The following LEMD3 variants were observed in gnomAD, a reference collection of about 807,000 sequenced individuals.
LEMD3 encodes the protein LEM domain containing 3.
Under a neutral mutation model 95.2 loss-of-function variants are expected in LEMD3, and 33 were observed. The observed-to-expected ratio is 0.35, with a 90% CI of 0.26 to 0.46. The LOEUF is 0.46. Ranked by LOEUF, LEMD3 falls within the 20% of genes least tolerant of loss-of-function variation. The probability of loss-of-function intolerance (pLI) is 1.00; values close to 1 mark genes in which losing one functional copy is unlikely to be tolerated. For synonymous variants in LEMD3, 525 were observed against 474.6 expected (o/e 1.11, Z -1.38); for missense variants, 1,210 against 1,192.8 (o/e 1.01, Z -0.21).
chr12:65,231,291 G>C (rs1388139052), intron 4 of LEMD3, among the ~76,000 whole-genome samples: 2 of 152,094 alleles, frequency 1.3e-5, no homozygotes, highest in Non-Finnish European at 2.9e-5. Context: ...AACAGAGAGA[G>C]CTTTAAACAG....
intron 1 of LEMD3, among the ~76,000 whole-genome samples, chr12:65,208,803 C>T (rs927926897): frequency 7.2e-5 from 11 of 151,996 alleles, no homozygotes; most frequent in African/African-American, 2.4e-5. Context: ...AAAATTTTAA[C>T]GAAGTTTTGT....
chr12:65,223,567 A>G (rs1433668458), intron 4 of LEMD3, among the ~76,000 whole-genome samples: 1 of 151,788 alleles, frequency 6.6e-6, no homozygotes, highest in African/African-American at 2.4e-5. Flanking sequence ...TTTATTCATT[A>G]TTATCTGCAT....
chr12:65,189,157 T>C (rs1257290237), intron 1 of LEMD3, among the ~76,000 whole-genome samples: 1 of 152,134 alleles, frequency 6.6e-6, no homozygotes, highest in Non-Finnish European at 1.5e-5. Context: ...GCGAATATGG[T>C]CTCTCTCAAA....
intron 10 of LEMD3, 141 bp downstream of exon 10, chr12:65,243,610 C>G (rs1871001025): frequency 1.5e-6 from 1 of 677,334 alleles, no homozygotes; most frequent in African/African-American, 1.8e-5. Context: ...ATGTTTTTCT[C>G]TTTCATTAAA....
At chr12:65,211,981 G>C (rs1285260192) in intron 2 of LEMD3, among the ~76,000 whole-genome samples, 1 of 152,156 alleles carries the variant, frequency 6.6e-6, no homozygotes, top group Non-Finnish European at 1.5e-5. Context: ...GTATTAGTCT[G>C]TTCTCATGCT....
In LEMD3 at chr12:65,247,483, T is replaced by C. The variant is rs541374258; in HGVS notation, c.*1158T>C. On this transcript the variant is annotated 3_prime_UTR_variant, in exon 13 of 13. Coordinates refer to ENST00000308330, the MANE Select transcript of LEMD3 (RefSeq NM_014319.5). ...AGTTTGCAATATAGTAAATGCACGA[T>C]TGACTGTTGCTTTGTGCCTCAGTAT... is the stretch of plus-strand genomic sequence containing the variant. The C allele has an allele frequency of 7.2e-5, 11 of 152,454 alleles. No individual in the cohort carries two copies. The highest frequency in any genetic ancestry group is 2.4e-4 in the African/African-American group (10 of 41,578). The allele number at this position is 152,454 out of a possible 1,614,324, so 9.4% of individuals were successfully genotyped here.
intron 10 of LEMD3, chr12:65,245,288 G>T (rs1416130382): frequency 3.0e-5 from 6 of 197,866 alleles, no homozygotes; most frequent in African/African-American, 1.3e-4. Flanking sequence ...CTGCCACCAC[G>T]CCTGGCTAAT....
intron 4 of LEMD3, among the ~76,000 whole-genome samples, chr12:65,229,075 A>G (rs1870544711): frequency 1.3e-5 from 2 of 152,122 alleles, no homozygotes; most frequent in African/African-American, 4.8e-5. Flanking sequence ...AGGTAAAATA[A>G]GCCAAGTTCT....
intron 4 of LEMD3, among the ~76,000 whole-genome samples, chr12:65,220,872 G>C (rs1870264073): frequency 6.6e-6 from 1 of 152,064 alleles, no homozygotes; most frequent in South Asian, 2.1e-4. Flanking sequence ...AAGATTGTTG[G>C]ATCATACATC....
intron 1 of LEMD3, among the ~76,000 whole-genome samples, chr12:65,180,785 A>G (rs1281396936): frequency 6.6e-6 from 1 of 152,222 alleles, no homozygotes; most frequent in East Asian, 1.9e-4. Flanking sequence ...TAAAGTTTAA[A>G]AACAAGGCTT....
At chr12:65,203,569 C>A (rs1316657530) in intron 1 of LEMD3, among the ~76,000 whole-genome samples, 1 of 152,008 alleles carries the variant, frequency 6.6e-6, no homozygotes, top group East Asian at 1.9e-4. Flanking sequence ...TGTGGTCTGT[C>A]TTGGTGAACA....
At chr12:65,179,740 C>T (rs1868842569) in intron 1 of LEMD3, among the ~76,000 whole-genome samples, 1 of 152,082 alleles carries the variant, frequency 6.6e-6, no homozygotes, top group African/African-American at 2.4e-5. Context: ...CAAACCTGCA[C>T]ATCCTGCACA....
At position 65,240,003 on chromosome 12, in the gene LEMD3, A is replaced by T; in HGVS notation, c.1996A>T (p.Met666Leu). 6.2e-7 allele frequency: 1 copy of T among 1,609,564 alleles called. No homozygotes were observed. The highest frequency in any genetic ancestry group is 8.5e-7 in the Non-Finnish European group (1 of 1,175,918). Residue 666 changes from methionine (M) to leucine (L), a missense_variant, in exon 7 of 13, where the codon ATG (methionine) becomes TTG (leucine). Met to Leu is a conservative substitution (Grantham distance 15). This residue lies in a region of LEMD3 where 461 missense variants were observed against 569.8 expected (regional missense o/e 0.81). Coordinates refer to ENST00000308330, the MANE Select transcript of LEMD3 (RefSeq NM_014319.5). ...WTKEEEETRQ[M>L]YDMVVKIIDV... ...AAAAGAAGAGGAGGAAACAAGGCAG[A>T]TGTATGATATGGTGGTAAAGATTAT...
chr12:65,175,538 A>G (rs1868692494), intron 1 of LEMD3, among the ~76,000 whole-genome samples: 1 of 152,086 alleles, frequency 6.6e-6, no homozygotes, highest in Non-Finnish European at 1.5e-5. Flanking sequence ...TCTTTGGTAC[A>G]TTTAGTGCAT....
chr12:65,218,006 T>C (rs1260364726), intron 3 of LEMD3, among the ~76,000 whole-genome samples: 2 of 152,194 alleles, frequency 1.3e-5, no homozygotes, highest in Admixed American at 1.3e-4. Context: ...TTTTAAGGCA[T>C]GCACACCCCT....
At chr12:65,236,430 A>G (rs1037691569) in intron 4 of LEMD3, among the ~76,000 whole-genome samples, 1 of 152,144 alleles carries the variant, frequency 6.6e-6, no homozygotes, top group African/African-American at 2.4e-5. Context: ...CGCCTGTAGT[A>G]TCACAGTTAC....
chr12:65,234,091 T>C (rs1870706752), intron 4 of LEMD3, among the ~76,000 whole-genome samples: 1 of 152,208 alleles, frequency 6.6e-6, no homozygotes, highest in Admixed American at 6.5e-5. Context: ...TCATCAGTTA[T>C]TGGAAAATGT....
rs1050476334 is a variant in LEMD3, at chr12:65,241,098, T to G, written c.2305+11T>G. On this transcript the variant is annotated intron_variant, in intron 9 of 12. Transcript: ENST00000308330. ...TATGGCAAGGTCAAGGTATGTATTT[T>G]TAAACATCAAAAAAGTAATTTTCTT... 6.2e-7 allele frequency: 1 copy of G among 1,609,246 alleles called. No homozygotes were observed. The highest frequency in any genetic ancestry group is 8.5e-7 in the Non-Finnish European group (1 of 1,175,728).
At chr12:65,210,253 T>G (rs1869897249) in intron 1 of LEMD3, among the ~76,000 whole-genome samples, 1 of 152,076 alleles carries the variant, frequency 6.6e-6, no homozygotes, top group African/African-American at 2.4e-5. Flanking sequence ...ATCTGTATTT[T>G]TTTTTCTTGC....
Sources: allele counts gnomAD v4.1 joint callset (sites outside exome capture counted in the v4.1 genomes callset), GRCh38; gene constraint gnomAD v4.1.1; regional missense constraint gnomAD v4.1.1; transcripts MANE v1.5; gene names NCBI Gene and HGNC (gene_info 2026-07-23, HGNC 2026-07-21).